Variants in PTPRN2 observed in about 807,000 individuals in gnomAD.
The protein encoded by PTPRN2 is protein tyrosine phosphatase receptor type N2, also known as receptor-type tyrosine-protein phosphatase N2.
Under a neutral mutation model 118.8 loss-of-function variants are expected in PTPRN2, and 74 were observed. The observed-to-expected ratio is 0.62, with a 90% CI of 0.52 to 0.76. The LOEUF is 0.76. Ranked by LOEUF, PTPRN2 falls within the 30% of genes least tolerant of loss-of-function variation. The pLI is 0.00. For synonymous variants in PTPRN2, 641 were observed against 608.0 expected (o/e 1.05, Z -0.80); for missense variants, 1,481 against 1,394.4 (o/e 1.06, Z -0.99).
At chr7:158,308,500 T>TA (rs1486294642) in intron 3 of PTPRN2, among the ~76,000 whole-genome samples, 4 of 152,116 alleles carry the variant, frequency 2.6e-5, no homozygotes, top group African/African-American at 9.7e-5. Context: ...TAATTTTCTT[T>TA]AAAAAACCTG....
At chr7:158,297,962 C>T (rs1246262710) in intron 3 of PTPRN2, among the ~76,000 whole-genome samples, 1 of 152,158 alleles carries the variant, frequency 6.6e-6, no homozygotes, top group Non-Finnish European at 1.5e-5. Context: ...TTTTGAGTCA[C>T]TTTTATCAAC....
intron 3 of PTPRN2, among the ~76,000 whole-genome samples, chr7:158,282,803 C>A (rs1799517233): frequency 6.7e-6 from 1 of 149,702 alleles, no homozygotes; most frequent in Non-Finnish European, 1.5e-5. Context: ...ACAGCTGATC[C>A]CTCCTCGTGC....
At chr7:158,149,413 G>T (rs570619118) in intron 6 of PTPRN2, among the ~76,000 whole-genome samples, 1 of 149,640 alleles carries the variant, frequency 6.7e-6, no homozygotes. Flanking sequence ...AACATAAAAT[G>T]TATAAGATGT....
At chr7:158,433,196 T>G (rs1431324730) in intron 2 of PTPRN2, among the ~76,000 whole-genome samples, 1 of 152,238 alleles carries the variant, frequency 6.6e-6, no homozygotes, top group African/African-American at 2.4e-5. Context: ...CATTCCCCTG[T>G]GCATAGACGT....
intron 2 of PTPRN2, among the ~76,000 whole-genome samples, chr7:158,423,198 C>T (rs1789489781): frequency 6.6e-6 from 1 of 152,244 alleles, no homozygotes; most frequent in South Asian, 2.1e-4. Context: ...ATCTGGGAAA[C>T]AAGCAAGAAA....
intron 3 of PTPRN2, among the ~76,000 whole-genome samples, chr7:158,280,437 C>T (rs575796647): frequency 7.9e-5 from 12 of 152,324 alleles, no homozygotes; most frequent in South Asian, 4.1e-4. Context: ...TACCTGGGAA[C>T]GCAGGATCAT....
At chr7:157,691,067 T>TTCCCC (rs1491213762) in intron 12 of PTPRN2, among the ~76,000 whole-genome samples, 4 of 44,486 alleles carry the variant, frequency 9.0e-5, no homozygotes, top group Non-Finnish European at 1.5e-4. Context: ...TATAGCGATG[T>TTCCCC]CCCCCCCCCC....
At chr7:158,073,798 A>G (rs903785386) in intron 11 of PTPRN2, among the ~76,000 whole-genome samples, 3 of 152,260 alleles carry the variant, frequency 2.0e-5, no homozygotes, top group African/African-American at 7.2e-5. Flanking sequence ...CTGTGAAAAC[A>G]GGCATGGCAG....
intron 2 of PTPRN2, among the ~76,000 whole-genome samples, chr7:158,364,698 G>A (rs1487300506): frequency 6.6e-6 from 1 of 152,164 alleles, no homozygotes; most frequent in African/African-American, 2.4e-5. Flanking sequence ...ACACAGCTGG[G>A]AAGTCGTCAT....
chr7:158,484,282 A>C (rs965118445), intron 2 of PTPRN2, among the ~76,000 whole-genome samples: 4 of 151,674 alleles, frequency 2.6e-5, no homozygotes, highest in African/African-American at 4.8e-5. Context: ...TGCCCCCAAC[A>C]CTTTCCCCAG....
chr7:158,342,994 A>G (rs948667056), intron 2 of PTPRN2, among the ~76,000 whole-genome samples: 3 of 152,222 alleles, frequency 2.0e-5, no homozygotes, highest in Admixed American at 1.3e-4. Context: ...CGTTGCAGTG[A>G]GCTGAGATTG....
At position 157,663,636 on chromosome 7, in the gene PTPRN2, C is replaced by T. The variant is rs147102063; in HGVS notation, c.2002-7085G>A. ...TGCCAGAGCTCCTCACAGTGGGGACCGGCCCCTCCCTCTCCACCCTTCCCT... is the reference window on the plus strand; with the variant it reads ...TGCCAGAGCTCCTCACAGTGGGGACTGGCCCCTCCCTCTCCACCCTTCCCT... On this transcript the variant is annotated intron_variant, in intron 13 of 22. Coordinates refer to ENST00000389418, the MANE Select transcript of PTPRN2 (RefSeq NM_002847.5). Among the ~76,000 whole-genome samples the T allele has an allele frequency of 7.1e-3, 1,077 of 152,242 alleles. 17 individuals carry two copies. Among genetic ancestry groups the T allele is most frequent in the African/African-American group, 0.025 (1,034 of 41,544 alleles).
intron 15 of PTPRN2, among the ~76,000 whole-genome samples, chr7:157,613,040 G>T (rs949150416): frequency 6.6e-6 from 1 of 152,164 alleles, no homozygotes; most frequent in East Asian, 1.9e-4. Context: ...CTTCCGGCCT[G>T]GGTGGCCGGA....
intron 1 of PTPRN2, among the ~76,000 whole-genome samples, chr7:158,513,867 T>C (rs543338218): frequency 5.3e-5 from 8 of 152,344 alleles, no homozygotes; most frequent in Non-Finnish European, 7.3e-5. Context: ...TCAAGGAACA[T>C]GTTAACATCT....
chr7:157,688,506 C>A (rs1434941664), intron 12 of PTPRN2, among the ~76,000 whole-genome samples: 3 of 152,226 alleles, frequency 2.0e-5, no homozygotes, highest in Non-Finnish European at 4.4e-5. Context: ...CACCCAAACT[C>A]AGACTCAGCG....
intron 3 of PTPRN2, among the ~76,000 whole-genome samples, chr7:158,304,950 T>C (rs575149551): frequency 6.6e-6 from 1 of 152,350 alleles, no homozygotes; most frequent in Admixed American, 6.5e-5. Flanking sequence ...GCCATTTAAA[T>C]ATATCGCAGA....
intron 12 of PTPRN2, among the ~76,000 whole-genome samples, chr7:157,851,083 A>G (rs993362949): frequency 1.3e-5 from 2 of 152,166 alleles, no homozygotes; most frequent in Admixed American, 6.5e-5. Flanking sequence ...GGCCCCGCAC[A>G]CCGGACTCAC....
chr7:157,799,783 GTC>G (rs1805114960), intron 12 of PTPRN2, among the ~76,000 whole-genome samples: 1 of 146,368 alleles, frequency 6.8e-6, no homozygotes, highest in Non-Finnish European at 1.5e-5. Context: ...ATCCCTCAGA[GTC>G]ACCACAATCG....
chr7:158,368,561 G>A (rs1450442186), intron 2 of PTPRN2, among the ~76,000 whole-genome samples: 1 of 152,176 alleles, frequency 6.6e-6, no homozygotes, highest in African/African-American at 2.4e-5. Context: ...TTAGTTCCTG[G>A]CCCGGCCCGC....
Sources: allele counts gnomAD v4.1 joint callset (sites outside exome capture counted in the v4.1 genomes callset), GRCh38; gene constraint gnomAD v4.1.1; transcripts MANE v1.5; gene names NCBI Gene and HGNC (gene_info 2026-07-23, HGNC 2026-07-21).